Variants in MAGI1 observed in about 807,000 individuals in gnomAD.
The protein encoded by MAGI1 is membrane-associated guanylate kinase, WW and PDZ domain-containing protein 1.
MAGI1 carries 58 observed loss-of-function variants against 139.9 expected under a neutral mutation model. The observed-to-expected ratio is 0.41, with a 90% CI of 0.34 to 0.52. The LOEUF (loss-of-function observed/expected upper bound fraction) is 0.52, where lower values mean the gene tolerates loss of function less well. MAGI1 is among the 20% of genes least tolerant of loss of function. MAGI1 has a pLI of 0.12. For missense variants in MAGI1, 1,874 were observed against 1,901.6 expected (o/e 0.99, Z 0.27); for synonymous variants, 812 against 737.9 (o/e 1.10, Z -1.63).
At chr3:65,544,746 C>T (rs1414207675) in intron 2 of MAGI1, among the ~76,000 whole-genome samples, 2 of 152,106 alleles carry the variant, frequency 1.3e-5, no homozygotes, top group African/African-American at 4.8e-5. Flanking sequence ...AACCCCAATG[C>T]CTAACTGATA....
chr3:65,944,634 G>C (rs953601857), intron 1 of MAGI1, among the ~76,000 whole-genome samples: 2 of 152,098 alleles, frequency 1.3e-5, no homozygotes, highest in Non-Finnish European at 2.9e-5. Flanking sequence ...GGAAGGAAAA[G>C]GAAGGGACGG....
At position 65,430,040 on chromosome 3, in the gene MAGI1, G is replaced by A. The variant is rs1380467981; in HGVS notation, c.1647C>T (p.Asp549=). ...ATGGATAACCTCGGCAGAGTTCAAG[G>A]TCCACGCTGGCACCAATGGGGATGG... ...FQSIPIGASV[D]LELCRGYPLP... Residue 549 remains aspartate (D), a synonymous_variant, in exon 12 of 23, where the codon GAC becomes GAT. Coordinates refer to ENST00000402939, the MANE Select transcript of MAGI1 (RefSeq NM_001033057.2). 47 of 1,613,758 alleles carry A rather than the reference G, an allele frequency of 2.9e-5. No homozygotes were observed. The highest frequency in any genetic ancestry group is 3.6e-5 in the Non-Finnish European group (42 of 1,179,924).
At chr3:65,691,310 A>T (rs1355719084) in intron 1 of MAGI1, among the ~76,000 whole-genome samples, 1 of 151,384 alleles carries the variant, frequency 6.6e-6, no homozygotes, top group African/African-American at 2.4e-5. Context: ...CTCAAAAAAA[A>T]AAAAAGAAAA....
Position 65,613,360 on chromosome 3 carries a change from G to A in MAGI1, c.430+8612C>T, listed in dbSNP as rs147451762. On this transcript the variant is annotated intron_variant, in intron 2 of 22. Coordinates refer to ENST00000402939, the MANE Select transcript of MAGI1 (RefSeq NM_001033057.2). ...TAATGACAGATGTTATTATTAAGTG[G>A]TGAGGTCTGATCTAACATGTTTTCA... 9.9e-5 allele frequency among the ~76,000 whole-genome samples: 15 copies of A among 152,256 alleles called. No homozygotes were observed. The East Asian group carries it at 2.5e-3, about 25-fold the overall frequency.
intron 1 of MAGI1, among the ~76,000 whole-genome samples, chr3:65,634,068 T>C (rs1042059601): frequency 1.3e-5 from 2 of 152,198 alleles, no homozygotes; most frequent in African/African-American, 4.8e-5. Flanking sequence ...TTATAATCCT[T>C]ACTCCCACCC....
At chr3:65,668,765 G>A (rs966343482) in intron 1 of MAGI1, among the ~76,000 whole-genome samples, 1 of 151,412 alleles carries the variant, frequency 6.6e-6, no homozygotes, top group Non-Finnish European at 1.5e-5. Flanking sequence ...TCTTGGCCAG[G>A]TTGGTCTTGA....
chr3:66,003,859 T>C (rs1214310691), intron 1 of MAGI1: 1 of 152,148 alleles, frequency 6.6e-6, no homozygotes, highest in Non-Finnish European at 1.5e-5. Flanking sequence ...TCAAGTAAAG[T>C]AGTGAGAGTA....
Position 66,038,402 on chromosome 3 carries a change from C to CA in MAGI1, c.-95dup. The stretch of plus-strand genomic sequence containing the variant: ...AGCCTCCGCTTGTTCATGGGAGAAA[C>CA]ATCTCTCCCCAAATCACAAAACAGG... On this transcript the variant is annotated 5_prime_UTR_variant, in exon 1 of 23. It removes an upstream start codon present in the reference 5' UTR. Transcript: ENST00000402939. 6.8e-7 allele frequency: 1 copy of CA among 1,460,672 alleles called. No homozygotes were observed. Among genetic ancestry groups the CA allele is most frequent in the African/African-American group, 1.4e-5 (1 of 70,834 alleles). The allele number at this position is 1,460,672 out of a possible 1,614,324, so 90.5% of individuals were successfully genotyped here.
intron 1 of MAGI1, among the ~76,000 whole-genome samples, chr3:65,697,236 T>G (rs1254635059): frequency 6.6e-6 from 1 of 151,936 alleles, no homozygotes; most frequent in Non-Finnish European, 1.5e-5. Context: ...TAATCAATAG[T>G]TTATCAACCA....
intron 2 of MAGI1, among the ~76,000 whole-genome samples, chr3:65,567,904 T>C (rs769951604): frequency 2.6e-5 from 4 of 152,140 alleles, no homozygotes; most frequent in African/African-American, 4.8e-5. Flanking sequence ...CGTATCCCAC[T>C]GGCATGTTAT....
intron 1 of MAGI1, among the ~76,000 whole-genome samples, chr3:65,941,966 T>G (rs1045639486): frequency 3.9e-5 from 6 of 152,162 alleles, no homozygotes; most frequent in African/African-American, 1.4e-4. Flanking sequence ...TTTTATTTTT[T>G]GTAGAGACAG....
chr3:65,583,233 C>T (rs1187970127), intron 2 of MAGI1, among the ~76,000 whole-genome samples: 1 of 152,114 alleles, frequency 6.6e-6, no homozygotes, highest in Non-Finnish European at 1.5e-5. Flanking sequence ...CACCTTCTCT[C>T]CCAAGTTGTT....
intron 2 of MAGI1, among the ~76,000 whole-genome samples, chr3:65,542,113 C>G (rs2079260608): frequency 6.6e-6 from 1 of 152,112 alleles, no homozygotes; most frequent in Non-Finnish European, 1.5e-5. Flanking sequence ...CACAAGCATT[C>G]CTATACACCA....
intron 1 of MAGI1, among the ~76,000 whole-genome samples, chr3:65,731,488 T>TAAAAA (rs555310553): frequency 7.4e-6 from 1 of 135,908 alleles, no homozygotes; most frequent in Non-Finnish European, 1.6e-5. Flanking sequence ...CCCTATCTCT[T>TAAAAA]AAAAAAAAAA....
intron 1 of MAGI1, among the ~76,000 whole-genome samples, chr3:65,968,650 AGTATACTTGTATAC>A (rs1460767232): frequency 6.6e-6 from 1 of 151,780 alleles, no homozygotes; most frequent in African/African-American, 2.4e-5. Flanking sequence ...AGGGGAAACA[AGTATACTTGTATAC>A]GTATAAACAA....
At chr3:66,027,313 T>TAATA (rs2068336620) in intron 1 of MAGI1, among the ~76,000 whole-genome samples, 1 of 146,466 alleles carries the variant, frequency 6.8e-6, no homozygotes, top group Non-Finnish European at 1.5e-5. Context: ...AATAAATAAA[T>TAATA]AATAAAAAAA....
chr3:65,530,297 C>T (rs370733147), intron 2 of MAGI1, among the ~76,000 whole-genome samples: 7 of 152,080 alleles, frequency 4.6e-5, no homozygotes, highest in African/African-American at 7.2e-5. Flanking sequence ...CTGAATTAGG[C>T]GAGTCTTTCA....
intron 1 of MAGI1, among the ~76,000 whole-genome samples, chr3:65,847,264 C>G (rs1023521580): frequency 6.6e-6 from 1 of 152,154 alleles, no homozygotes; most frequent in African/African-American, 2.4e-5. Flanking sequence ...TACTTAATAA[C>G]ATAAAATCTG....
At chr3:65,868,101 G>C (rs2059793174) in intron 1 of MAGI1, among the ~76,000 whole-genome samples, 1 of 152,160 alleles carries the variant, frequency 6.6e-6, no homozygotes, top group Non-Finnish European at 1.5e-5. Flanking sequence ...GGTAGAGAAA[G>C]AAAGACGCTC....
Sources: allele counts gnomAD v4.1 joint callset (sites outside exome capture counted in the v4.1 genomes callset), GRCh38; gene constraint gnomAD v4.1.1; transcripts MANE v1.5; gene names NCBI Gene and HGNC (gene_info 2026-07-23, HGNC 2026-07-21).